Variants in IL1RAPL2 observed in about 807,000 individuals in gnomAD.
The protein encoded by IL1RAPL2 is interleukin 1 receptor accessory protein like 2.
IL1RAPL2 carries 3 observed loss-of-function variants against 44.1 expected under a neutral mutation model. The observed-to-expected ratio is 0.07, with a 90% CI of 0.03 to 0.18. IL1RAPL2 has a LOEUF of 0.18. Ranked by LOEUF, IL1RAPL2 falls within the 10% of genes least tolerant of loss-of-function variation. IL1RAPL2 has a pLI of 1.00. For synonymous variants in IL1RAPL2, 181 were observed against 178.8 expected (o/e 1.01, Z -0.10); for missense variants, 391 against 496.4 (o/e 0.79, Z 2.02).
At chrX:104,854,924 C>T (rs910578789) in intron 2 of IL1RAPL2, among the ~76,000 whole-genome samples, 2 of 111,425 alleles carry the variant, frequency 1.8e-5, no homozygotes, top group African/African-American at 6.5e-5. Flanking sequence ...TTGTGTTTCC[C>T]TTCCTGGCAA....
intron 1 of IL1RAPL2, among the ~76,000 whole-genome samples, chrX:104,582,605 TTTC>T (rs1928385701): frequency 2.7e-5 from 1 of 36,542 alleles, no homozygotes; most frequent in Non-Finnish European, 5.8e-5. Context: ...TTTTTCTTTC[TTTC>T]TTTCTTTCTT....
At chrX:105,401,580 T>A (rs923230572) in intron 5 of IL1RAPL2, among the ~76,000 whole-genome samples, 1 of 110,845 alleles carries the variant, frequency 9.0e-6, no homozygotes, top group Non-Finnish European at 1.9e-5. Flanking sequence ...CTAGGTAAAA[T>A]TTCTTCCAAC....
intron 2 of IL1RAPL2, among the ~76,000 whole-genome samples, chrX:104,840,982 G>C (rs981673506): frequency 9.0e-6 from 1 of 110,747 alleles, no homozygotes. Context: ...GAGCCACCAC[G>C]CCCAGCCTAA....
chrX:105,447,990 T>C (rs2035987100), intron 5 of IL1RAPL2, among the ~76,000 whole-genome samples: 1 of 102,563 alleles, frequency 9.8e-6, no homozygotes, highest in Non-Finnish European at 1.9e-5. Flanking sequence ...TATATAAATA[T>C]ATAATTTTAA....
At chrX:104,574,112 A>G (rs893446265) in intron 1 of IL1RAPL2, among the ~76,000 whole-genome samples, 3 of 111,645 alleles carry the variant, frequency 2.7e-5, no homozygotes, top group Non-Finnish European at 5.7e-5. Context: ...TTTTCTAATT[A>G]TGAAGACTGA....
At chrX:105,735,876 A>G (rs1444031823) in intron 7 of IL1RAPL2, among the ~76,000 whole-genome samples, 2 of 111,918 alleles carry the variant, frequency 1.8e-5, no homozygotes, top group East Asian at 5.6e-4. Context: ...CGGAATTAGA[A>G]AAAACTATTT....
chrX:105,430,467 C>T lies in IL1RAPL2; in HGVS notation c.698-53846C>T, dbSNP rs1210141380. 4.5e-5 allele frequency among the ~76,000 whole-genome samples: 5 copies of T among 111,478 alleles called. 1 individual carries two copies. In the East Asian group the frequency reaches 1.4e-3, roughly 32 times the overall value. ...TATCTGGGGTTATTCTATTTGGAGG[C>T]ACATAGTATTATTTCTACTATATCT... is the stretch of plus-strand genomic sequence containing the variant. On this transcript the variant is annotated intron_variant, in intron 5 of 10. Coordinates refer to ENST00000372582, the MANE Select transcript of IL1RAPL2 (RefSeq NM_017416.2).
chrX:105,442,620 G>GA (rs11390657), intron 5 of IL1RAPL2, among the ~76,000 whole-genome samples: 24,146 of 111,523 alleles, frequency 0.22, 6,374 homozygotes, highest in African/African-American at 0.75. Flanking sequence ...ACTTCTGACA[G>GA]AGGACATGTA....
chrX:104,866,729 G>A (rs894929280), intron 2 of IL1RAPL2, among the ~76,000 whole-genome samples: 7 of 111,777 alleles, frequency 6.3e-5, no homozygotes, highest in Non-Finnish European at 1.1e-4. Context: ...GAATATAATC[G>A]ATTTCTATGT....
chrX:105,521,823 C>T (rs1430376034), intron 6 of IL1RAPL2, among the ~76,000 whole-genome samples: 5 of 111,925 alleles, frequency 4.5e-5, no homozygotes, highest in African/African-American at 1.6e-4. Context: ...GGACTAATAC[C>T]GTGATGTAAA....
At chrX:105,155,915 A>T (rs1367474690) in intron 2 of IL1RAPL2, among the ~76,000 whole-genome samples, 10 of 111,398 alleles carry the variant, frequency 9.0e-5, no homozygotes, top group South Asian at 7.7e-4. Context: ...CTCTAAGAGT[A>T]CTTGTCCCAA....
chrX:105,703,519 A>T (rs759705571), intron 6 of IL1RAPL2, among the ~76,000 whole-genome samples: 41 of 111,768 alleles, frequency 3.7e-4, no homozygotes, highest in African/African-American at 1.2e-3. Flanking sequence ...TAGCTGCTAT[A>T]TTGGAAAAAG....
chrX:105,519,786 A>G (rs1346081685), intron 6 of IL1RAPL2, among the ~76,000 whole-genome samples: 1 of 111,558 alleles, frequency 9.0e-6, no homozygotes, highest in Non-Finnish European at 1.9e-5. Flanking sequence ...TCAATTCACA[A>G]TGTATATTAA....
intron 6 of IL1RAPL2, among the ~76,000 whole-genome samples, chrX:105,609,054 CTT>C (rs770082097): frequency 1.8e-5 from 2 of 111,295 alleles, no homozygotes; most frequent in Non-Finnish European, 3.8e-5. Context: ...GCCATAATCT[CTT>C]TGTGAGTAAA....
intron 2 of IL1RAPL2, among the ~76,000 whole-genome samples, chrX:104,717,249 C>G (rs891908990): frequency 1.8e-4 from 20 of 110,424 alleles, no homozygotes; most frequent in African/African-American, 6.2e-4. Context: ...GGGAACAAGA[C>G]ACATTGGGGC....
intron 2 of IL1RAPL2, among the ~76,000 whole-genome samples, chrX:104,903,173 G>A (rs1227544462): frequency 9.0e-6 from 1 of 111,669 alleles, no homozygotes; most frequent in Non-Finnish European, 1.9e-5. Context: ...TTAAAAGGGA[G>A]AAAGCAAGCT....
chrX:104,791,324 G>T (rs1468510122), intron 2 of IL1RAPL2, among the ~76,000 whole-genome samples: 1 of 107,056 alleles, frequency 9.3e-6, no homozygotes, highest in African/African-American at 3.4e-5. Context: ...GAGAGCCAGA[G>T]GAGTCCCAAG....
intron 1 of IL1RAPL2, among the ~76,000 whole-genome samples, chrX:104,572,828 C>T (rs925064032): frequency 8.9e-6 from 1 of 111,872 alleles, no homozygotes; most frequent in African/African-American, 3.3e-5. Flanking sequence ...GTCTTGAACT[C>T]TGGGCTCAAG....
chrX:105,531,901 G>T (rs772554394), intron 6 of IL1RAPL2, among the ~76,000 whole-genome samples: 4 of 111,580 alleles, frequency 3.6e-5, no homozygotes, highest in East Asian at 5.7e-4. Context: ...TCTCTATTCT[G>T]TTCCATTGGA....
Sources: allele counts gnomAD v4.1 joint callset (sites outside exome capture counted in the v4.1 genomes callset), GRCh38; gene constraint gnomAD v4.1.1; transcripts MANE v1.5; gene names NCBI Gene and HGNC (gene_info 2026-07-23, HGNC 2026-07-21).